FSIP2: variants seen among roughly 807,000 people sequenced by gnomAD.
FSIP2 encodes fibrous sheath-interacting protein 2.
Under a neutral mutation model 510.5 loss-of-function variants are expected in FSIP2, and 367 were observed. The observed-to-expected ratio is 0.72, with a 90% CI of 0.66 to 0.78. The LOEUF (loss-of-function observed/expected upper bound fraction) is 0.78, where lower values mean the gene tolerates loss of function less well. FSIP2 is among the 30% of genes least tolerant of loss of function. The probability of loss-of-function intolerance (pLI) is 0.00; values close to 1 mark genes in which losing one functional copy is unlikely to be tolerated. For missense variants in FSIP2, 7,594 were observed against 7,901.7 expected (o/e 0.96, Z 1.48); for synonymous variants, 2,601 against 2,732.2 (o/e 0.95, Z 1.50).
intron 13 of FSIP2, among the ~76,000 whole-genome samples, chr2:185,776,912 C>T (rs1692736965): frequency 1.3e-5 from 2 of 151,976 alleles, no homozygotes; most frequent in Non-Finnish European, 2.9e-5. Context: ...TTAGTAGAGA[C>T]CAGGTTTCGC....
At position 185,790,029 on chromosome 2, in the gene FSIP2, C is replaced by A. The variant is rs976952141; in HGVS notation, c.2893C>A (p.Pro965Thr). Residue 965 changes from proline (P) to threonine (T), a missense_variant, in exon 16 of 23, where the codon CCT (proline) becomes ACT (threonine). Coordinates refer to ENST00000424728, the MANE Select transcript of FSIP2 (RefSeq NM_173651.4). ...QKSRQPRISSPSDTKEKYRLT... is the reference protein window; with the variant it reads ...QKSRQPRISSTSDTKEKYRLT... ...AAGTAGGCAACCTAGAATAAGTAGT[C>A]CTTCTGACACCAAAGAAAAGTACAG... is the stretch of plus-strand genomic sequence containing the variant. 2 of 1,533,396 alleles carry A rather than the reference C, an allele frequency of 1.3e-6. No homozygotes were observed. Among genetic ancestry groups the A allele is most frequent in the Non-Finnish European group, 8.7e-7 (1 of 1,145,328 alleles). The allele number at this position is 1,533,396 out of a possible 1,614,324, so 95.0% of individuals were successfully genotyped here. A position where few individuals can be genotyped will look rare whatever the true frequency, so the allele number is the denominator to read the frequency against.
At chr2:185,767,829 T>C (rs1692523680) in intron 13 of FSIP2, among the ~76,000 whole-genome samples, 1 of 152,168 alleles carries the variant, frequency 6.6e-6, no homozygotes, top group South Asian at 2.1e-4. Flanking sequence ...AGAGTGCAGA[T>C]ATCTCTTCAA....
rs140245371 is a variant in FSIP2 at position 185,755,967 on chromosome 2, A to T, written c.992-225A>T. Among the ~76,000 whole-genome samples, 737 of 151,618 alleles carry T rather than the reference A, an allele frequency of 4.9e-3. 10 individuals are homozygous for T. Among genetic ancestry groups the T allele is most frequent in the African/African-American group, 0.017 (708 of 41,450 alleles). On this transcript the variant is annotated intron_variant, in intron 8 of 22. Coordinates refer to ENST00000424728, the MANE Select transcript of FSIP2 (RefSeq NM_173651.4). ...AGATTTCCTTTTCTGCTAGAAAAAC[A>T]TTCTATCCCTCCAAATGTATCTTTT...
chr2:185,780,025 A>AGCGT (rs1322259503), intron 13 of FSIP2, among the ~76,000 whole-genome samples: 1 of 150,894 alleles, frequency 6.6e-6, no homozygotes, highest in African/African-American at 2.4e-5. Flanking sequence ...GTGAGCCGAG[A>AGCGT]GCGTGCCACT....
At chr2:185,767,897 A>G (rs1044269832) in intron 13 of FSIP2, among the ~76,000 whole-genome samples, 1 of 152,164 alleles carries the variant, frequency 6.6e-6, no homozygotes, top group African/African-American at 2.4e-5. Context: ...TGTACCCAGA[A>G]GTTGAATTGC....
chr2:185,801,277 T>C lies in FSIP2; in HGVS notation c.11971T>C (p.Leu3991=), dbSNP rs766526956. The change falls in exon 17 of 23, where the codon TTG becomes CTG. Residue 3991 remains leucine (L), a synonymous_variant. Transcript: ENST00000424728. Reference sequence around the variant, plus strand: ...ATTGTTTTTTAATCTCTCTATGTCATTGTGGGGCAAAAATAAAAACATCAC... The same window carrying C: ...ATTGTTTTTTAATCTCTCTATGTCACTGTGGGGCAAAAATAAAAACATCAC... ...SELFFNLSMS[L]WGKNKNITVS... 161 of 1,533,774 alleles carry C rather than the reference T, an allele frequency of 1.0e-4. 4 individuals are homozygous for C. In the South Asian group the frequency reaches 1.8e-3, roughly 17 times the overall value.
intron 19 of FSIP2, among the ~76,000 whole-genome samples, chr2:185,817,057 AT>A (rs1266782755): frequency 6.6e-6 from 1 of 151,956 alleles, no homozygotes; most frequent in Admixed American, 6.6e-5. Flanking sequence ...GAAAAAACAC[AT>A]TCAAAATAGT....
intron 13 of FSIP2, among the ~76,000 whole-genome samples, chr2:185,771,560 G>A (rs566247465): frequency 2.0e-5 from 3 of 152,354 alleles, no homozygotes; most frequent in African/African-American, 7.2e-5. Flanking sequence ...GTGAGCAGCA[G>A]TGTCCTGAGG....
At chr2:185,781,990 C>T (rs537066580) in intron 13 of FSIP2, among the ~76,000 whole-genome samples, 26 of 152,216 alleles carry the variant, frequency 1.7e-4, no homozygotes, top group African/African-American at 6.0e-4. Context: ...AGGCGCAGGC[C>T]GCGCCCGGCT....
chr2:185,753,133 T>C (rs956203554), intron 7 of FSIP2, among the ~76,000 whole-genome samples: 1 of 151,338 alleles, frequency 6.6e-6, no homozygotes. Flanking sequence ...ATGTTTTCTA[T>C]CCCTAGATAG....
chr2:185,799,661 A>C (rs1186730476), intron 16 of FSIP2, 36 bp from the exon 17 acceptor site: 3 of 1,022,446 alleles, frequency 2.9e-6, no homozygotes, highest in African/African-American at 1.6e-5. Flanking sequence ...TATTTTCTTT[A>C]ATCCATGCTA....
chr2:185,738,505 T>A, upstream of FSIP2: 1 of 1,129,728 alleles, frequency 8.9e-7, no homozygotes. Context: ...AAACAATCAC[T>A]CGGGAATTTT....
At chr2:185,810,736 G>C (rs1040375943) in intron 17 of FSIP2, among the ~76,000 whole-genome samples, 8 of 151,672 alleles carry the variant, frequency 5.3e-5, no homozygotes, top group Non-Finnish European at 1.0e-4. Context: ...CTTTTTTGTG[G>C]ACAGAGGCTA....
rs773188341 is a variant in FSIP2 at position 185,807,985 on chromosome 2, A to C, written c.18679A>C (p.Ser6227Arg). 6.5e-5 allele frequency: 105 copies of C among 1,610,726 alleles called. No individual in the cohort carries two copies. Among genetic ancestry groups the C allele is most frequent in the Non-Finnish European group, 8.9e-5 (105 of 1,178,180 alleles). ...LNSVQEFISK[S>R]KIKLVPPTKE... ...TTCAGTCCAAGAATTTATCTCCAAA[A>C]GTAAGATTAAACTTGTACCACCCAC... Residue 6227 changes from serine to arginine, a missense_variant, in exon 17 of 23, where the codon AGT (serine) becomes CGT (arginine). Physicochemically the swap from Ser to Arg is moderately radical, Grantham distance 110. Coordinates refer to ENST00000424728, the MANE Select transcript of FSIP2 (RefSeq NM_173651.4).
rs1398361078 is a variant in FSIP2 at position 185,808,326 on chromosome 2, T to C, written c.19020T>C (p.Gly6340=). The C allele has an allele frequency of 3.1e-6, 5 of 1,609,802 alleles. No homozygotes were observed. Among genetic ancestry groups the C allele is most frequent in the East Asian group, 2.2e-5 (1 of 44,660 alleles). ...AGGAAAAGTCTTCATCCAGAAAAGG[T>C]TTGACATTAGATGCCAAACTTTTAG... ...KSKEKSSSRK[G]LTLDAKLLEE... is the part of the protein sequence containing the mutation. The change falls in exon 17 of 23, where the codon GGT becomes GGC. Residue 6340 remains glycine (G), a synonymous_variant. Coordinates refer to ENST00000424728, the MANE Select transcript of FSIP2 (RefSeq NM_173651.4).
rs1468927628 is a variant in FSIP2, at chr2:185,791,672, C to G, written c.4536C>G (p.Ile1512Met). 3 of 1,534,050 alleles carry G rather than the reference C, an allele frequency of 2.0e-6. No homozygotes were observed. In the African/African-American group the frequency reaches 4.1e-5, roughly 21 times the overall value. ...TSFASCGLKA[I>M]SESLDIDNPS... is the part of the protein sequence containing the mutation. ...TTGCAAGTTGTGGATTAAAAGCTAT[C>G]TCAGAGTCTCTTGACATTGACAACC... The change falls in exon 16 of 23, where the codon ATC becomes ATG. Residue 1512 changes from isoleucine to methionine, a missense_variant. Coordinates refer to ENST00000424728, the MANE Select transcript of FSIP2 (RefSeq NM_173651.4).
rs1160357480 is a variant in FSIP2 at position 185,739,491 on chromosome 2, C to G, written c.225+20C>G. On this transcript the variant is annotated intron_variant, in intron 2 of 22. Coordinates refer to ENST00000424728, the MANE Select transcript of FSIP2 (RefSeq NM_173651.4). ...GAAAAGGTGAACAAGTTTTTATCGT[C>G]TTTCTTTCCTTTACCCTTTACTACT... 2 of 1,478,806 alleles carry G rather than the reference C, an allele frequency of 1.4e-6. No homozygotes were observed. The highest frequency in any genetic ancestry group is 1.3e-5 in the South Asian group (1 of 76,790). The allele number at this position is 1,478,806 out of a possible 1,614,324, so 91.6% of individuals were successfully genotyped here. A position where few individuals can be genotyped will look rare whatever the true frequency, so the allele number is the denominator to read the frequency against.
At chr2:185,764,325 T>C (rs1002654477) in intron 12 of FSIP2, among the ~76,000 whole-genome samples, 177 bp from the exon 13 acceptor site, 2 of 151,808 alleles carry the variant, frequency 1.3e-5, no homozygotes, top group Admixed American at 1.3e-4. Flanking sequence ...TTGAATTCTA[T>C]AAATAATACC....
chr2:185,812,100 TG>T (rs1231051476), intron 17 of FSIP2, among the ~76,000 whole-genome samples: 1 of 152,094 alleles, frequency 6.6e-6, no homozygotes, highest in Admixed American at 6.6e-5. Context: ...GACCTCAGAA[TG>T]GTAGATCCAC....
Sources: gnomAD v4.1 joint callset for allele counts (sites outside exome capture counted in the v4.1 genomes callset) on GRCh38, gnomAD v4.1.1 for gene constraint, MANE v1.5 for transcripts, NCBI Gene and HGNC (gene_info 2026-07-23, HGNC 2026-07-21) for gene names.